The following ZNF536 variants were observed in gnomAD, a reference collection of about 807,000 sequenced individuals.
ZNF536 encodes the protein zinc finger protein 536.
ZNF536 carries 13 observed loss-of-function variants against 84.5 expected under a neutral mutation model. The ratio of observed to expected loss-of-function variants is 0.15; its 90% CI spans 0.10 to 0.24. The LOEUF (loss-of-function observed/expected upper bound fraction) is 0.24, where lower values mean the gene tolerates loss of function less well. Ranked by LOEUF, ZNF536 falls within the 10% of genes least tolerant of loss-of-function variation. ZNF536 has a pLI of 1.00. For missense variants in ZNF536, 1,536 were observed against 1,747.5 expected (o/e 0.88, Z 2.16); for synonymous variants, 811 against 742.5 (o/e 1.09, Z -1.50).
At chr19:30,708,905 G>C (rs1434960114) in intron 1 of ZNF536, among the ~76,000 whole-genome samples, 1 of 152,176 alleles carries the variant, frequency 6.6e-6, no homozygotes, top group Non-Finnish European at 1.5e-5. Context: ...TTGTTCTCTG[G>C]AGCCAGTGAT....
At chr19:30,542,914 C>T (rs925091612) in intron 3 of ZNF536, among the ~76,000 whole-genome samples, 29 of 152,250 alleles carry the variant, frequency 1.9e-4, no homozygotes, top group African/African-American at 6.5e-4. Context: ...TGGACTCAAG[C>T]GATCCTCCTG....
At chr19:30,451,063 C>T (rs1046566669) in intron 2 of ZNF536, among the ~76,000 whole-genome samples, 6 of 152,256 alleles carry the variant, frequency 3.9e-5, no homozygotes, top group Non-Finnish European at 2.9e-5. Flanking sequence ...CCCAGGCGGA[C>T]GCCGGCCAAG....
chr19:30,704,886 T>C (rs966629271), intron 1 of ZNF536, among the ~76,000 whole-genome samples: 1 of 151,480 alleles, frequency 6.6e-6, no homozygotes, highest in African/African-American at 2.4e-5. Context: ...GTCAGAAATA[T>C]GTGAAATCCA....
chr19:30,643,253 T>C (rs1831755060), intron 1 of ZNF536, among the ~76,000 whole-genome samples: 1 of 152,210 alleles, frequency 6.6e-6, no homozygotes, highest in African/African-American at 2.4e-5. Context: ...AAAATGTCAC[T>C]GAACTTTGCA....
In ZNF536 at chr19:30,516,407, C is replaced by A. The variant is rs889912566; in HGVS notation, c.2171-18440C>A. Among the ~76,000 whole-genome samples the A allele has an allele frequency of 1.6e-4, 24 of 152,312 alleles. No individual in the cohort carries two copies. The South Asian group carries it at 2.3e-3, about 14-fold the overall frequency. On this transcript the variant is annotated intron_variant, in intron 2 of 4. Coordinates refer to ENST00000355537, the MANE Select transcript of ZNF536 (RefSeq NM_014717.3). ...GCTGAATGAATGAACTCAGGGGCAA[C>A]AGGAAAAGGACAACGTTCAAGCCAA...
intron 1 of ZNF536, among the ~76,000 whole-genome samples, chr19:30,605,548 T>C (rs535911496): frequency 2.6e-5 from 4 of 152,344 alleles, no homozygotes; most frequent in Non-Finnish European, 4.4e-5. Flanking sequence ...TAGTATTCCA[T>C]GGCACATATA....
intron 1 of ZNF536, among the ~76,000 whole-genome samples, chr19:30,603,443 C>T (rs542545920): frequency 5.3e-5 from 8 of 152,282 alleles, no homozygotes; most frequent in South Asian, 4.1e-4. Flanking sequence ...TCTCTTTAAA[C>T]GAACAAATAG....
intron 2 of ZNF536, among the ~76,000 whole-genome samples, chr19:30,298,456 T>C (rs1279927511): frequency 1.3e-5 from 2 of 152,180 alleles, no homozygotes; most frequent in African/African-American, 4.8e-5. Context: ...TGATGACCAT[T>C]TGCGTGGGAG....
At chr19:30,489,606 A>T (rs1433253216) in intron 2 of ZNF536, among the ~76,000 whole-genome samples, 1 of 152,172 alleles carries the variant, frequency 6.6e-6, no homozygotes, top group African/African-American at 2.4e-5. Flanking sequence ...AAAATAAGGA[A>T]AATAAAATAA....
intron 2 of ZNF536, among the ~76,000 whole-genome samples, chr19:30,506,712 C>G (rs1389845041): frequency 6.6e-6 from 1 of 152,160 alleles, no homozygotes; most frequent in Non-Finnish European, 1.5e-5. Flanking sequence ...GTCTGCCGAG[C>G]TGATTGGGCC....
intron 1 of ZNF536, among the ~76,000 whole-genome samples, chr19:30,425,701 A>G (rs2051184896): frequency 6.6e-6 from 1 of 152,222 alleles, no homozygotes; most frequent in Non-Finnish European, 1.5e-5. Flanking sequence ...TTGGCCTGGA[A>G]TAGGTCATAT....
At position 30,537,060 on chromosome 19, in the gene ZNF536, T is replaced by C. The variant is rs913760370; in HGVS notation, c.2323+2061T>C. Among the ~76,000 whole-genome samples the C allele has an allele frequency of 7.2e-5, 11 of 152,196 alleles. 1 individual carries two copies. In the South Asian group the frequency reaches 2.3e-3, roughly 32 times the overall value. ...ACCATGCATTTGTATTTCGTTGTTG[T>C]TTCTCTCCATGCACTAGACTGTGAA... is the stretch of plus-strand genomic sequence containing the variant. On this transcript the variant is annotated intron_variant, in intron 3 of 4. Transcript: ENST00000355537.
intron 1 of ZNF536, among the ~76,000 whole-genome samples, chr19:30,250,502 C>T (rs1051284792): frequency 1.3e-5 from 2 of 152,130 alleles, no homozygotes; most frequent in Non-Finnish European, 2.9e-5. Flanking sequence ...GGCTGTCTGC[C>T]CTTTTGCTGA....
rs568321172 is a variant in ZNF536 at position 30,264,142 on chromosome 19, A to G, written c.-189-19930A>G. ...CCCACCATGGTGGCGCTCCCAGCCA[A>G]TGAAGCCGGCTGGTGAAAGCTTTCT... is the stretch of plus-strand genomic sequence containing the variant. On this transcript the variant is annotated intron_variant, in intron 1 of 5. Coordinates refer to the ZNF536 transcript ENST00000585628. 3.3e-5 allele frequency among the ~76,000 whole-genome samples: 5 copies of G among 152,316 alleles called. No individual in the cohort carries two copies. The East Asian group carries it at 7.7e-4, about 24-fold the overall frequency.
intron 3 of ZNF536, among the ~76,000 whole-genome samples, chr19:30,360,751 A>T (rs760013801): frequency 6.6e-6 from 1 of 152,206 alleles, no homozygotes; most frequent in African/African-American, 2.4e-5. Context: ...TGCACTGGGC[A>T]TTTCTTCTGA....
At chr19:30,290,975 G>T (rs2045819147) in intron 2 of ZNF536, among the ~76,000 whole-genome samples, 2 of 152,150 alleles carry the variant, frequency 1.3e-5, no homozygotes, top group African/African-American at 4.8e-5. Flanking sequence ...TGCTGAGAAT[G>T]ATGGTTTCCA....
intron 2 of ZNF536, among the ~76,000 whole-genome samples, chr19:30,527,847 C>T (rs1289417288): frequency 1.3e-5 from 2 of 152,162 alleles, no homozygotes; most frequent in Admixed American, 1.3e-4. Flanking sequence ...TATTATCTTG[C>T]TCCTGAAAAG....
chr19:30,276,158 GC>G (rs1454935170), intron 1 of ZNF536, among the ~76,000 whole-genome samples: 10 of 152,072 alleles, frequency 6.6e-5, no homozygotes, highest in Non-Finnish European at 1.5e-4. Flanking sequence ...GGTGGTGGGG[GC>G]TTTCTATGTT....
chr19:30,416,289 A>ATTT (rs200146840), intron 1 of ZNF536, among the ~76,000 whole-genome samples: 1 of 132,560 alleles, frequency 7.5e-6, no homozygotes, highest in African/African-American at 2.9e-5. Flanking sequence ...TGTCCTCTGA[A>ATTT]TTTTTTTTTT....
Sources: gnomAD v4.1 joint callset for allele counts (sites outside exome capture counted in the v4.1 genomes callset) on GRCh38, gnomAD v4.1.1 for gene constraint, MANE v1.5 for transcripts, NCBI Gene and HGNC (gene_info 2026-07-23, HGNC 2026-07-21) for gene names.